The following CCDC73 variants were observed in gnomAD, a reference collection of about 807,000 sequenced individuals.
CCDC73 encodes the protein coiled-coil domain-containing protein 73.
Under a neutral mutation model 116.5 loss-of-function variants are expected in CCDC73, and 95 were observed. That is an observed-to-expected ratio of 0.82 (90% CI 0.69 to 0.97). CCDC73 has a LOEUF of 0.97. Ranked by LOEUF, CCDC73 falls within the 50% of genes least tolerant of loss-of-function variation. The pLI is 0.00. For synonymous variants in CCDC73, 398 were observed against 401.3 expected (o/e 0.99, Z 0.10); for missense variants, 1,066 against 1,206.8 (o/e 0.88, Z 1.73).
intron 2 of CCDC73, among the ~76,000 whole-genome samples, chr11:32,751,003 C>T (rs1264846464): frequency 6.6e-6 from 1 of 152,052 alleles, no homozygotes; most frequent in East Asian, 1.9e-4. Flanking sequence ...TATTCAAGGC[C>T]CAAGCGCTCT....
chr11:32,668,692 A>C (rs1017473099), intron 9 of CCDC73, among the ~76,000 whole-genome samples: 1 of 152,142 alleles, frequency 6.6e-6, no homozygotes, highest in Non-Finnish European at 1.5e-5. Flanking sequence ...TAGCTACTTT[A>C]CTCCATTCAA....
At chr11:32,647,235 C>T (rs1386540997) in intron 12 of CCDC73, among the ~76,000 whole-genome samples, 2 of 152,174 alleles carry the variant, frequency 1.3e-5, no homozygotes, top group Non-Finnish European at 2.9e-5. Flanking sequence ...GAAGCTTTTA[C>T]TCATGGTGGA....
At chr11:32,767,583 G>A (rs971926418) in intron 1 of CCDC73, among the ~76,000 whole-genome samples, 1 of 152,064 alleles carries the variant, frequency 6.6e-6, no homozygotes, top group African/African-American at 2.4e-5. Context: ...CTGACAAAGG[G>A]CTAATATCCA....
At chr11:32,611,866 T>C (rs1368333306) in intron 16 of CCDC73, among the ~76,000 whole-genome samples, 1 of 152,182 alleles carries the variant, frequency 6.6e-6, no homozygotes, top group African/African-American at 2.4e-5. Context: ...ATATCACCCT[T>C]TGTATCTTAT....
At chr11:32,703,436 G>T (rs1479215950) in intron 3 of CCDC73, among the ~76,000 whole-genome samples, 2 of 150,436 alleles carry the variant, frequency 1.3e-5, no homozygotes, top group Non-Finnish European at 3.0e-5. Context: ...AAAAATTTTT[G>T]CTTCCTGTTG....
intron 10 of CCDC73, 145 bp from the exon 11 acceptor site, chr11:32,654,182 T>C (rs184890977): frequency 2.7e-5 from 21 of 781,356 alleles, no homozygotes; most frequent in Middle Eastern, 3.9e-4. Flanking sequence ...TTTATTTGTA[T>C]GTTTGTTTTG....
chr11:32,607,482 T>TG (rs1208072567), intron 17 of CCDC73, among the ~76,000 whole-genome samples: 1 of 152,204 alleles, frequency 6.6e-6, no homozygotes, highest in African/African-American at 2.4e-5. Flanking sequence ...ATTATAAAAA[T>TG]GGGCTTTCAA....
At chr11:32,616,187 G>C in intron 14 of CCDC73, 58 bp from the exon 15 acceptor site, 2 of 1,443,120 alleles carry the variant, frequency 1.4e-6, no homozygotes, top group Non-Finnish European at 1.9e-6. Context: ...TAAAACATTT[G>C]AGCAAATGTG....
intron 1 of CCDC73, among the ~76,000 whole-genome samples, chr11:32,785,489 C>T (rs1850619920): frequency 6.6e-6 from 1 of 152,102 alleles, no homozygotes; most frequent in African/African-American, 2.4e-5. Flanking sequence ...GAAGCCTTGA[C>T]CTCCAGGGCT....
At position 32,629,924 on chromosome 11, in the gene CCDC73, AAAAAAAAAAAC is replaced by A. The variant is rs1203101947; in HGVS notation, c.1185+5761_1185+5771del. On this transcript the variant is annotated intron_variant, in intron 14 of 17. Coordinates refer to ENST00000335185, the MANE Select transcript of CCDC73 (RefSeq NM_001008391.4). ...GGAAAGAATTCCAGCAGATATGCAAAAAAAAAAAAACAAAAAAAAAACGTTAAAAGGAAGTT... is the reference window on the plus strand; with the variant it reads ...GGAAAGAATTCCAGCAGATATGCAAAAAAAAAAAAACGTTAAAAGGAAGTT... 6.7e-3 allele frequency among the ~76,000 whole-genome samples: 1,001 copies of A among 150,344 alleles called. 19 individuals carry two copies. The highest frequency in any genetic ancestry group is 0.024 in the African/African-American group (966 of 41,052).
At chr11:32,763,410 G>C (rs917330186) in intron 1 of CCDC73, among the ~76,000 whole-genome samples, 4 of 152,204 alleles carry the variant, frequency 2.6e-5, no homozygotes, top group African/African-American at 9.6e-5. Context: ...CCAGAGGAAC[G>C]ATCAGGCAGC....
intron 5 of CCDC73, among the ~76,000 whole-genome samples, chr11:32,699,839 C>A (rs1849792984): frequency 6.7e-6 from 1 of 150,112 alleles, no homozygotes; most frequent in Non-Finnish European, 1.5e-5. Context: ...TGTAACAAAC[C>A]TGCACGTTGT....
At chr11:32,653,340 T>A in intron 11 of CCDC73, 113 bp from the exon 12 acceptor site, 6 of 592,922 alleles carry the variant, frequency 1.0e-5, no homozygotes, top group Non-Finnish European at 1.7e-5. Flanking sequence ...ATAGTTTAAT[T>A]TCAATACTTT....
At chr11:32,633,434 A>G (rs765937624) in intron 14 of CCDC73, among the ~76,000 whole-genome samples, 2 of 152,178 alleles carry the variant, frequency 1.3e-5, no homozygotes, top group African/African-American at 2.4e-5. Flanking sequence ...AAATTACCCC[A>G]ACTGGCTCTT....
intron 2 of CCDC73, among the ~76,000 whole-genome samples, chr11:32,755,122 G>A (rs1472451905): frequency 4.0e-5 from 6 of 148,150 alleles, no homozygotes; most frequent in South Asian, 2.1e-4. Context: ...TCCTGACCTC[G>A]TGATCCACCC....
At chr11:32,636,638 G>A (rs1414979609) in intron 13 of CCDC73, among the ~76,000 whole-genome samples, 2 of 151,956 alleles carry the variant, frequency 1.3e-5, no homozygotes, top group Admixed American at 6.6e-5. Context: ...ACTAGTGCTT[G>A]TAATATTCCT....
chr11:32,747,687 A>C (rs1850252216), intron 2 of CCDC73, among the ~76,000 whole-genome samples: 1 of 152,210 alleles, frequency 6.6e-6, no homozygotes, highest in Admixed American at 6.5e-5. Context: ...AAATTTCAGC[A>C]TCCCAGGTCA....
rs1012738855 is a variant in CCDC73 at position 32,625,952 on chromosome 11, T to G, written c.1185+9744A>C. ...GGATGCCCTCTCTCACCGTTCCTAT[T>G]CAACATAGTGTTGGAAGTTCTGGCC... On this transcript the variant is annotated intron_variant, in intron 14 of 17. Transcript: ENST00000335185. Among the ~76,000 whole-genome samples, 77 of 137,678 alleles carry G rather than the reference T, an allele frequency of 5.6e-4. 4 individuals are homozygous for G. The highest frequency in any genetic ancestry group is 2.0e-3 in the African/African-American group (74 of 37,524). The allele number at this position is 137,678 out of a possible 152,430, so 90.3% of individuals were successfully genotyped here.
chr11:32,801,664 C>T, the CCDC73 span, among the ~76,000 whole-genome samples: 2 of 150,158 alleles, frequency 1.3e-5, no homozygotes, highest in Non-Finnish European at 1.5e-5. Flanking sequence ...CAAACACTAA[C>T]AAAATTATAA....
Sources: allele counts gnomAD v4.1 joint callset (sites outside exome capture counted in the v4.1 genomes callset), GRCh38; gene constraint gnomAD v4.1.1; transcripts MANE v1.5; gene names NCBI Gene and HGNC (gene_info 2026-07-23, HGNC 2026-07-21).